The following KLF8 variants were observed in gnomAD, a reference collection of about 807,000 sequenced individuals.
The protein encoded by KLF8 is KLF transcription factor 8.
KLF8 carries 10 observed loss-of-function variants against 18.2 expected under a neutral mutation model. The observed-to-expected ratio is 0.55, with a 90% CI of 0.34 to 0.93. The LOEUF (loss-of-function observed/expected upper bound fraction) is 0.93, where lower values mean the gene tolerates loss of function less well. Ranked by LOEUF, KLF8 falls within the 40% of genes least tolerant of loss-of-function variation. KLF8 has a pLI of 0.02. For synonymous variants in KLF8, 109 were observed against 97.3 expected, an observed-to-expected ratio of 1.12 and a Z score of -0.71; for missense variants, 264 against 277.9, an observed-to-expected ratio of 0.95 and a Z score of 0.36.
chrX:56,038,746 G>A, the KLF8 span, among the ~76,000 whole-genome samples: 1 of 112,495 alleles, frequency 8.9e-6, no homozygotes. Flanking sequence ...TGGGATTGCT[G>A]GGAGAAGTTG....
chrX:55,914,613 G>A, the KLF8 span, among the ~76,000 whole-genome samples: 1 of 111,607 alleles, frequency 9.0e-6, no homozygotes, highest in Non-Finnish European at 1.9e-5. Context: ...GGTCAGAGAA[G>A]ACTTGCTAGA....
chrX:56,044,853 C>G, the KLF8 span, among the ~76,000 whole-genome samples: 1 of 112,400 alleles, frequency 8.9e-6, no homozygotes, highest in Non-Finnish European at 1.9e-5. Flanking sequence ...CAGGATTCAG[C>G]CCCATTTCTA....
At chrX:55,978,065 C>A in the KLF8 span, among the ~76,000 whole-genome samples, 54,683 of 108,258 alleles carry the variant, frequency 0.51, 10,846 homozygotes, top group East Asian at 0.63. Context: ...CTCTCTCTCT[C>A]TATATATATA....
the KLF8 span, among the ~76,000 whole-genome samples, chrX:56,061,986 CTT>C: frequency 0.027 from 1,537 of 57,113 alleles, 21 homozygotes; most frequent in Non-Finnish European, 0.035. Flanking sequence ...GCAACCCCTG[CTT>C]TTTTTTTTTT....
the KLF8 span, among the ~76,000 whole-genome samples, chrX:55,975,200 G>A: frequency 9.0e-6 from 1 of 110,904 alleles, no homozygotes; most frequent in Non-Finnish European, 1.9e-5. Context: ...AAGATAAAAA[G>A]GAACCAACAA....
the KLF8 span, among the ~76,000 whole-genome samples, chrX:55,912,159 C>A: frequency 9.0e-6 from 1 of 111,287 alleles, no homozygotes; most frequent in African/African-American, 3.3e-5. Flanking sequence ...CAGGCCCTAC[C>A]CCAGACATAC....
At chrX:56,061,547 A>G in the KLF8 span, among the ~76,000 whole-genome samples, 1 of 111,344 alleles carries the variant, frequency 9.0e-6, no homozygotes, top group South Asian at 3.7e-4. Context: ...CATGATTTCC[A>G]TTCTTTTTCA....
chrX:56,176,673 T>C, the KLF8 span, among the ~76,000 whole-genome samples: 1 of 111,828 alleles, frequency 8.9e-6, no homozygotes, highest in Non-Finnish European at 1.9e-5. Context: ...GGGGAAGTTC[T>C]CCTGGATAAT....
At chrX:56,052,636 C>T in the KLF8 span, among the ~76,000 whole-genome samples, 4 of 111,913 alleles carry the variant, frequency 3.6e-5, no homozygotes, top group African/African-American at 1.3e-4. Flanking sequence ...CTCAGATCTC[C>T]AGCTGCGTGC....
At chrX:56,060,647 C>CT in the KLF8 span, among the ~76,000 whole-genome samples, 12 of 111,467 alleles carry the variant, frequency 1.1e-4, no homozygotes, top group Admixed American at 8.6e-4. Flanking sequence ...CTGAAGTTTT[C>CT]TTTTTTGTTG....
chrX:56,031,601 C>T, the KLF8 span, among the ~76,000 whole-genome samples: 1 of 111,737 alleles, frequency 8.9e-6, no homozygotes, highest in Non-Finnish European at 1.9e-5. Context: ...TGGATCATGT[C>T]GCTCGGGTAG....
chrX:56,265,735 G>A lies in KLF8; in HGVS notation c.637G>A (p.Ala213Thr). The change falls in exon 3 of 6, where the codon GCT (alanine) becomes ACT (threonine). Residue 213 changes from alanine (A) to threonine (T), a missense_variant. Ala to Thr is a moderately conservative substitution (Grantham distance 58). Coordinates refer to ENST00000468660, the MANE Select transcript of KLF8 (RefSeq NM_007250.5). ...VPLIGGDGKN[A>T]GSVKVDPTSM... Reference sequence around the variant, plus strand: ...ACTCATTGGAGGAGATGGTAAAAATGCTGGATCAGGTAAGTAACAATATTG... The same window carrying A: ...ACTCATTGGAGGAGATGGTAAAAATACTGGATCAGGTAAGTAACAATATTG... The A allele has an allele frequency of 8.3e-7, 1 of 1,198,915 alleles. No individual in the cohort carries two copies. The highest frequency in any genetic ancestry group is 1.1e-6 in the Non-Finnish European group (1 of 892,078).
chrX:55,937,602 T>C, the KLF8 span, among the ~76,000 whole-genome samples: 1 of 111,355 alleles, frequency 9.0e-6, no homozygotes, highest in Non-Finnish European at 1.9e-5. Flanking sequence ...TTCGAACCAA[T>C]GGCAAAGAAG....
the KLF8 span, among the ~76,000 whole-genome samples, chrX:56,009,123 GCCACTCTAGGTGGTCCCCTAGATCACC>G: frequency 9.0e-6 from 1 of 111,034 alleles, no homozygotes; most frequent in African/African-American, 3.3e-5. Context: ...CCCCAACTAG[GCCACTCTAGGTGGTCCCCTAGATCACC>G]CCAAAAGGGG....
chrX:56,136,937 G>C, the KLF8 span, among the ~76,000 whole-genome samples: 11 of 111,739 alleles, frequency 9.8e-5, no homozygotes, highest in African/African-American at 3.6e-4. Context: ...ATCAAAAAGT[G>C]GGCAAAGTAC....
chrX:55,989,757 G>A, the KLF8 span, among the ~76,000 whole-genome samples: 74 of 111,905 alleles, frequency 6.6e-4, no homozygotes, highest in African/African-American at 2.3e-3. Context: ...TCAATTGATT[G>A]GAATAGTTTC....
At chrX:56,210,576 T>C in the KLF8 span, among the ~76,000 whole-genome samples, 1 of 111,346 alleles carries the variant, frequency 9.0e-6, no homozygotes, top group Non-Finnish European at 1.9e-5. Context: ...GATATTGAGA[T>C]CTTTCTCTAG....
At chrX:55,952,968 C>T in the KLF8 span, among the ~76,000 whole-genome samples, 1 of 111,825 alleles carries the variant, frequency 8.9e-6, no homozygotes, top group African/African-American at 3.2e-5. Context: ...CTCAAACTCA[C>T]ATAACAACTA....
the KLF8 span, among the ~76,000 whole-genome samples, chrX:55,932,366 ACATT>A: frequency 9.0e-6 from 1 of 111,356 alleles, no homozygotes; most frequent in Non-Finnish European, 1.9e-5. Flanking sequence ...TAGTCCATTT[ACATT>A]TAAGATTAAT....
Sources: allele counts gnomAD v4.1 joint callset (sites outside exome capture counted in the v4.1 genomes callset), GRCh38; gene constraint gnomAD v4.1.1; transcripts MANE v1.5; gene names NCBI Gene and HGNC (gene_info 2026-07-23, HGNC 2026-07-21).